PAX2: variants seen among roughly 807,000 people sequenced by gnomAD.
PAX2 encodes paired box protein Pax-2.
Under a neutral mutation model 41.7 loss-of-function variants are expected in PAX2, and 9 were observed. The ratio of observed to expected loss-of-function variants is 0.22; its 90% CI spans 0.13 to 0.38. PAX2 has a LOEUF of 0.38. Among genes scored for constraint, PAX2 ranks in the 10% least tolerant of loss-of-function variants. The pLI is 1.00. For missense variants in PAX2, 418 were observed against 531.6 expected (o/e 0.79, Z 2.10); for synonymous variants, 221 against 212.7 (o/e 1.04, Z -0.34).
chr10:100,799,066 G>A (rs1847444648), intron 5 of PAX2, among the ~76,000 whole-genome samples: 1 of 152,256 alleles, frequency 6.6e-6, no homozygotes, highest in African/African-American at 2.4e-5. Context: ...GGCAGCCTGG[G>A]GGTGAACCCC....
rs1845552481 is a variant in PAX2, at chr10:100,754,254, C to A, written c.410+3363C>A. On this transcript the variant is annotated intron_variant, in intron 3 of 9. Coordinates refer to ENST00000355243, the MANE Select transcript of PAX2 (RefSeq NM_000278.5). ...CTTCTGGTTTGGCTGTTACTCTGGG[C>A]AGAGAATACACCTCCTTTGAAAGAA... Among the ~76,000 whole-genome samples the A allele has an allele frequency of 2.0e-5, 3 of 152,310 alleles. No individual in the cohort carries two copies. In the South Asian group the frequency reaches 6.2e-4, roughly 32 times the overall value.
intron 3 of PAX2, among the ~76,000 whole-genome samples, chr10:100,766,149 C>T (rs1846021324): frequency 6.6e-6 from 1 of 152,346 alleles, no homozygotes; most frequent in South Asian, 2.1e-4. Context: ...GCAGTCCTGG[C>T]TCTAAAACCC....
At chr10:100,811,879 C>G (rs930866370) in intron 7 of PAX2, among the ~76,000 whole-genome samples, 12 of 152,208 alleles carry the variant, frequency 7.9e-5, no homozygotes, top group African/African-American at 2.9e-4. Context: ...CTGACAGCTG[C>G]GGCTGCAAAC....
intron 6 of PAX2, among the ~76,000 whole-genome samples, chr10:100,808,667 C>T (rs145893303): frequency 3.3e-5 from 5 of 152,164 alleles, no homozygotes; most frequent in East Asian, 3.9e-4. Flanking sequence ...AAAAAAGGGG[C>T]GCCCATACCC....
At chr10:100,767,722 A>C (rs191471977) in intron 3 of PAX2, among the ~76,000 whole-genome samples, 27 of 152,336 alleles carry the variant, frequency 1.8e-4, no homozygotes, top group Non-Finnish European at 3.2e-4. Flanking sequence ...TAGCAGGAAC[A>C]TGGCTCCTGA....
chr10:100,739,718 C>G (rs1336789271), intron 1 of PAX2, among the ~76,000 whole-genome samples: 1 of 152,242 alleles, frequency 6.6e-6, no homozygotes, highest in African/African-American at 2.4e-5. Context: ...GCAGGTCCCA[C>G]GGTCGCGGCG....
intron 5 of PAX2, among the ~76,000 whole-genome samples, chr10:100,799,789 C>CTTTTTTTTTTTTTTTTTTTTTTTT (rs56012188): frequency 1.1e-5 from 1 of 89,896 alleles, no homozygotes; most frequent in Non-Finnish European, 2.2e-5. Context: ...TAGTGTAATT[C>CTTTTTTTTTTTTTTTTTTTTTTTT]TTTTTTTTTT....
At chr10:100,765,842 G>C (rs1385724066) in intron 3 of PAX2, among the ~76,000 whole-genome samples, 2 of 152,078 alleles carry the variant, frequency 1.3e-5, no homozygotes, top group Non-Finnish European at 2.9e-5. Context: ...ATGTACACTA[G>C]CACACATGTG....
chr10:100,763,589 G>A (rs1386678529), intron 3 of PAX2, among the ~76,000 whole-genome samples: 2 of 152,166 alleles, frequency 1.3e-5, no homozygotes, highest in Non-Finnish European at 2.9e-5. Flanking sequence ...GGCCAGGAGG[G>A]TAGATCACTT....
At chr10:100,813,897 G>A (rs1171895485) in intron 7 of PAX2, among the ~76,000 whole-genome samples, 2 of 151,998 alleles carry the variant, frequency 1.3e-5, no homozygotes, top group African/African-American at 4.8e-5. Flanking sequence ...CTAATGATGA[G>A]CTTACTGTAA....
intron 5 of PAX2, among the ~76,000 whole-genome samples, chr10:100,790,185 G>A (rs1847048951): frequency 6.6e-6 from 1 of 152,166 alleles, no homozygotes; most frequent in Non-Finnish European, 1.5e-5. Context: ...TTCATACAAT[G>A]CCAGAAATTC....
At chr10:100,770,982 T>C (rs930677488) in intron 3 of PAX2, among the ~76,000 whole-genome samples, 1 of 152,218 alleles carries the variant, frequency 6.6e-6, no homozygotes, top group African/African-American at 2.4e-5. Context: ...CTTCACCTCC[T>C]GGCTTAAGCT....
chr10:100,737,608 G>A (rs1379420573), intron 1 of PAX2, among the ~76,000 whole-genome samples: 1 of 152,244 alleles, frequency 6.6e-6, no homozygotes, highest in East Asian at 1.9e-4. Context: ...GCACTTCGAG[G>A]CGGCTCCGCA....
rs1290618119 is a variant in PAX2 at position 100,791,905 on chromosome 10, T to A, written c.616+10540T>A. On this transcript the variant is annotated intron_variant, in intron 5 of 9. Transcript: ENST00000355243. This position sits in a 1 kb window ranked among gnomAD's most constrained non-coding sequence, Gnocchi z 4.5. ...TGTGGGCCACCTGGGGCAGCCAGCTTGTAGGAGCCGCCTGGGTGAGGGACA... is the reference window on the plus strand; with the variant it reads ...TGTGGGCCACCTGGGGCAGCCAGCTAGTAGGAGCCGCCTGGGTGAGGGACA... Among the ~76,000 whole-genome samples, 1 of 152,084 alleles carries A rather than the reference T, an allele frequency of 6.6e-6. No individual in the cohort carries two copies. Among genetic ancestry groups the A allele is most frequent in the Non-Finnish European group, 1.5e-5 (1 of 67,994 alleles).
intron 3 of PAX2, among the ~76,000 whole-genome samples, 192 bp from the exon 4 acceptor site, chr10:100,779,306 G>A (rs1342785029): frequency 1.4e-4 from 22 of 152,232 alleles, no homozygotes; most frequent in Admixed American, 1.3e-3. Flanking sequence ...GCTGCATTAC[G>A]TTGGATCTGC....
chr10:100,753,427 G>A (rs1392425277), intron 3 of PAX2, among the ~76,000 whole-genome samples: 1 of 152,188 alleles, frequency 6.6e-6, no homozygotes, highest in Non-Finnish European at 1.5e-5. Flanking sequence ...GATAAAAACA[G>A]GATGTTTCTG....
Position 100,824,540 on chromosome 10 carries a change from C to T in PAX2, c.920-108C>T. 1 of 842,566 alleles carries T rather than the reference C, an allele frequency of 1.2e-6. No individual in the cohort carries two copies. The highest frequency in any genetic ancestry group is 2.1e-6 in the Non-Finnish European group (1 of 481,574). 52.2% of individuals were successfully genotyped at this position (842,566 alleles called of 1,614,324 possible). ...GCACACATACCCCTGCACGTCTGCA[C>T]AGAGCTCTTTCCTCTCCAAGAGTTT... On this transcript the variant is annotated intron_variant, in intron 7 of 9. Transcript: ENST00000355243. The surrounding 1 kb of genome is among the most constrained non-coding windows in gnomAD (Gnocchi z 6.6).
chr10:100,747,702 A>G (rs1845247322), intron 1 of PAX2: 1 of 984,724 alleles, frequency 1.0e-6, no homozygotes, highest in Non-Finnish European at 1.2e-6. Flanking sequence ...GGGATAAAAT[A>G]TATTTTTCTA....
chr10:100,746,934 G>A (rs1053190998), intron 1 of PAX2: 5 of 152,430 alleles, frequency 3.3e-5, no homozygotes, highest in African/African-American at 1.2e-4. Context: ...TTGTGGGTTG[G>A]TTTGAAATAT....
Sources: gnomAD v4.1 joint callset for allele counts (sites outside exome capture counted in the v4.1 genomes callset) on GRCh38, gnomAD v4.1.1 for gene constraint, Gnocchi (gnomAD v3.1) non-coding constraint, MANE v1.5 for transcripts, NCBI Gene and HGNC (gene_info 2026-07-23, HGNC 2026-07-21) for gene names.